Variants in FCGR2B observed in about 807,000 individuals in gnomAD.
FCGR2B encodes low affinity immunoglobulin gamma Fc region receptor II-b.
FCGR2B carries 18 observed loss-of-function variants against 24.8 expected under a neutral mutation model. That is an observed-to-expected ratio of 0.73 (90% CI 0.50 to 1.08). The LOEUF (loss-of-function observed/expected upper bound fraction) is 1.08, where lower values mean the gene tolerates loss of function less well. FCGR2B is among the 50% of genes least tolerant of loss of function. FCGR2B has a pLI of 0.00. For synonymous variants in FCGR2B, 79 were observed against 109.8 expected (o/e 0.72, Z 1.75); for missense variants, 215 against 297.6 (o/e 0.72, Z 2.04).
intron 2 of FCGR2B, among the ~76,000 whole-genome samples, chr1:161,671,149 G>A (rs1396999849): frequency 1.3e-5 from 2 of 152,170 alleles, no homozygotes; most frequent in African/African-American, 4.8e-5. Flanking sequence ...TATTTCGAGG[G>A]TGTTTCTCTT....
intron 6 of FCGR2B, 118 bp from the exon 7 acceptor site, chr1:161,677,210 G>C: frequency 2.1e-6 from 2 of 948,130 alleles, no homozygotes; most frequent in South Asian, 2.7e-5. Context: ...CCCAAGACAG[G>C]GTCAGCAGTG....
intron 6 of FCGR2B, chr1:161,676,278 G>A (rs1682123275): frequency 4.8e-6 from 1 of 210,082 alleles, no homozygotes; most frequent in Non-Finnish European, 9.6e-6. Flanking sequence ...AGATTTAAGA[G>A]CTTGAGCAAA....
Position 161,678,585 on chromosome 1 carries a change from C to G in FCGR2B, c.*1032C>G. 4.7e-6 allele frequency: 1 copy of G among 211,146 alleles called. No homozygotes were observed. 13.1% of individuals were successfully genotyped at this position (211,146 alleles called of 1,614,324 possible). ...ATGACTGTACTCTTCTGCCAATGAC[C>G]TTGTATTCTTGTTTCCATGTCTTCT... On this transcript the variant is annotated 3_prime_UTR_variant, in exon 8 of 8. Coordinates refer to ENST00000358671, the MANE Select transcript of FCGR2B (RefSeq NM_001394477.1).
At chr1:161,675,232 C>T (rs1376548046) in intron 5 of FCGR2B, 25 bp from the exon 6 acceptor site, 4 of 1,591,166 alleles carry the variant, frequency 2.5e-6, no homozygotes, top group Admixed American at 1.7e-5. Flanking sequence ...CCTAATCCTA[C>T]TAACCTCCTG....
chr1:161,647,357 G>A, the FCGR2B span, among the ~76,000 whole-genome samples: 1 of 145,108 alleles, frequency 6.9e-6, no homozygotes, highest in African/African-American at 2.6e-5. Context: ...CTGGAGTGCA[G>A]TAGTGTGATT....
At chr1:161,672,756 T>C (rs1300599213) in intron 3 of FCGR2B, 1 of 742,652 alleles carries the variant, frequency 1.3e-6, no homozygotes, top group Non-Finnish European at 2.2e-6. Context: ...CATGACACTA[T>C]CATGCTCATT....
At chr1:161,648,147 G>T in the FCGR2B span, among the ~76,000 whole-genome samples, 2 of 149,624 alleles carry the variant, frequency 1.3e-5, no homozygotes, top group Non-Finnish European at 3.0e-5. Flanking sequence ...TATACCTCAA[G>T]ACTCTAGGTG....
chr1:161,647,433 T>C, the FCGR2B span, among the ~76,000 whole-genome samples: 1 of 150,132 alleles, frequency 6.7e-6, no homozygotes, highest in Non-Finnish European at 1.5e-5. Flanking sequence ...CCTGAGTAGC[T>C]GGGACTACAG....
At chr1:161,671,710 C>T in intron 3 of FCGR2B, 61 bp downstream of exon 3, 1 of 1,606,036 alleles carries the variant, frequency 6.2e-7, no homozygotes, top group Non-Finnish European at 8.5e-7. Flanking sequence ...AATCTGCTTT[C>T]AGGCAGAGGT....
At chr1:161,671,686 G>A (rs1424488957) in intron 3 of FCGR2B, 37 bp downstream of exon 3, 7 of 1,610,320 alleles carry the variant, frequency 4.3e-6, no homozygotes, top group Non-Finnish European at 5.9e-6. Flanking sequence ...ACCTGGGAGG[G>A]CCAGGACGGA....
Position 161,672,964 on chromosome 1 carries a change from G to A in FCGR2B, c.392-11G>A. Reference sequence around the variant, plus strand: ...CCTCCCGGGTCCTCTGCGGTTTTTTGTGTCTTTCAGAGTGGCTGGTGCTCC... The same window carrying A: ...CCTCCCGGGTCCTCTGCGGTTTTTTATGTCTTTCAGAGTGGCTGGTGCTCC... On this transcript the variant is annotated splice_polypyrimidine_tract_variant and intron_variant, in intron 3 of 7. Transcript: ENST00000358671. The A allele has an allele frequency of 6.2e-7, 1 of 1,613,712 alleles. No homozygotes were observed.
At chr1:161,671,264 C>T in intron 2 of FCGR2B, 128 bp from the exon 3 acceptor site, 1 of 1,487,484 alleles carries the variant, frequency 6.7e-7, no homozygotes, top group Non-Finnish European at 9.1e-7. Flanking sequence ...GTTGCAGAAC[C>T]ATTCTGGGCC....
chr1:161,647,727 T>C, the FCGR2B span, among the ~76,000 whole-genome samples: 3 of 150,972 alleles, frequency 2.0e-5, no homozygotes, highest in South Asian at 2.1e-4. Context: ...AAGAGATGTA[T>C]ATTGTCCACT....
the FCGR2B span, among the ~76,000 whole-genome samples, chr1:161,651,707 G>A: frequency 6.6e-5 from 8 of 120,738 alleles, no homozygotes; most frequent in Admixed American, 9.4e-5. Flanking sequence ...AGGCCGAGGG[G>A]GGTGGATCAC....
rs10799896 is a variant in FCGR2B, at chr1:161,675,026, A to C, written c.761-231A>C. ...GCCTCAGACAGATGCCATGGCGTGG[A>C]CTTTCTGACACTCCTGGGCATCCCC... On this transcript the variant is annotated intron_variant, in intron 5 of 7. Coordinates refer to ENST00000358671, the MANE Select transcript of FCGR2B (RefSeq NM_001394477.1). 1,726 of 505,918 alleles carry C rather than the reference A, an allele frequency of 3.4e-3. 11 individuals are homozygous for C. Among genetic ancestry groups the C allele is most frequent in the South Asian group, 9.5e-3 (291 of 30,790 alleles). The allele number at this position is 505,918 out of a possible 1,614,324, so 31.3% of individuals were successfully genotyped here.
At chr1:161,648,699 CT>C in the FCGR2B span, among the ~76,000 whole-genome samples, 1 of 150,302 alleles carries the variant, frequency 6.7e-6, no homozygotes, top group African/African-American at 2.5e-5. Flanking sequence ...TTTTTTCTTT[CT>C]TTTTTTTGAG....
chr1:161,676,029 G>A (rs1393874444), intron 6 of FCGR2B: 1 of 231,876 alleles, frequency 4.3e-6, no homozygotes, highest in South Asian at 1.8e-4. Flanking sequence ...TGACCTCTCA[G>A]GTCTTCTAGA....
chr1:161,669,599 TAAAATA>T lies in FCGR2B; in HGVS notation c.113-649_113-644del, dbSNP rs1557898249. On this transcript the variant is annotated intron_variant, in intron 1 of 7. Transcript: ENST00000358671. ...CAAAATAAAATAAAATAAAATAAAA[TAAAATA>T]AAATAAAATAAAATAAAATGACAAC... Among the ~76,000 whole-genome samples the T allele has an allele frequency of 2.1e-5, 3 of 141,762 alleles. 1 individual carries two copies. Among genetic ancestry groups the T allele is most frequent in the Non-Finnish European group, 3.2e-5 (2 of 63,000 alleles). The allele number at this position is 141,762 out of a possible 152,430, so 93.0% of individuals were successfully genotyped here. A position where few individuals can be genotyped will look rare whatever the true frequency, so the allele number is the denominator to read the frequency against.
chr1:161,653,365 C>A, the FCGR2B span, among the ~76,000 whole-genome samples: 1 of 131,686 alleles, frequency 7.6e-6, no homozygotes, highest in African/African-American at 2.6e-5. Flanking sequence ...AAGATCCCAC[C>A]ACTGCACTCC....
Sources: allele counts gnomAD v4.1 joint callset (sites outside exome capture counted in the v4.1 genomes callset), GRCh38; gene constraint gnomAD v4.1.1; transcripts MANE v1.5; gene names NCBI Gene and HGNC (gene_info 2026-07-23, HGNC 2026-07-21).